UNC5C: variants seen among roughly 807,000 people sequenced by gnomAD.
UNC5C encodes the protein unc-5 netrin receptor C.
Under a neutral mutation model 99.8 loss-of-function variants are expected in UNC5C, and 47 were observed. That is an observed-to-expected ratio of 0.47 (90% CI 0.37 to 0.60). The LOEUF (loss-of-function observed/expected upper bound fraction) is 0.60, where lower values mean the gene tolerates loss of function less well. Ranked by LOEUF, UNC5C falls within the 20% of genes least tolerant of loss-of-function variation. The probability of loss-of-function intolerance (pLI) is 0.00; values close to 1 mark genes in which losing one functional copy is unlikely to be tolerated. For missense variants in UNC5C, 1,062 were observed against 1,165.9 expected (o/e 0.91, Z 1.30); for synonymous variants, 487 against 452.2 (o/e 1.08, Z -0.98).
intron 5 of UNC5C, among the ~76,000 whole-genome samples, chr4:95,246,205 A>G (rs570021355): frequency 2.6e-5 from 4 of 152,232 alleles, no homozygotes; most frequent in Admixed American, 1.3e-4. Context: ...CCAGCCACAT[A>G]TGTTCATGTA....
intron 11 of UNC5C, among the ~76,000 whole-genome samples, chr4:95,205,245 A>T (rs1281721106): frequency 6.6e-6 from 1 of 152,182 alleles, no homozygotes; most frequent in Admixed American, 6.5e-5. Flanking sequence ...CCAGAAATGG[A>T]TAGGGTAATA....
At chr4:95,278,495 G>A (rs1317509880) in intron 3 of UNC5C, 133 bp from the exon 4 acceptor site, 1 of 662,150 alleles carries the variant, frequency 1.5e-6, no homozygotes, top group Non-Finnish European at 2.5e-6. Context: ...TTTTTTTTGA[G>A]ACAGGGTCTC....
chr4:95,394,487 A>T (rs1053458312), intron 1 of UNC5C, among the ~76,000 whole-genome samples: 9 of 152,226 alleles, frequency 5.9e-5, no homozygotes, highest in Non-Finnish European at 2.9e-5. Flanking sequence ...AACAAAAAAT[A>T]TAAAGGAGTA....
At chr4:95,328,064 T>TTTA (rs1742965447) in intron 2 of UNC5C, among the ~76,000 whole-genome samples, 1 of 36,646 alleles carries the variant, frequency 2.7e-5, no homozygotes, top group East Asian at 6.1e-3. Context: ...TTTTTTTAAT[T>TTTA]TTTTTTTTTT....
At chr4:95,454,117 A>G (rs867769816) in intron 1 of UNC5C, among the ~76,000 whole-genome samples, 1 of 152,062 alleles carries the variant, frequency 6.6e-6, no homozygotes, top group African/African-American at 2.4e-5. Flanking sequence ...GCACAAAAAA[A>G]CCACTCAATT....
chr4:95,513,276 G>A (rs1042309185), intron 1 of UNC5C, among the ~76,000 whole-genome samples: 33 of 152,184 alleles, frequency 2.2e-4, no homozygotes, highest in African/African-American at 8.0e-4. Flanking sequence ...TTTACATCTT[G>A]CAATGGGAGC....
chr4:95,182,434 G>GC (rs1736649181), intron 14 of UNC5C, among the ~76,000 whole-genome samples: 1 of 152,078 alleles, frequency 6.6e-6, no homozygotes, highest in African/African-American at 2.4e-5. Flanking sequence ...GAGCAGAGAA[G>GC]CCCCTCTCCT....
chr4:95,337,747 A>C (rs567497744), intron 1 of UNC5C, among the ~76,000 whole-genome samples: 1 of 152,134 alleles, frequency 6.6e-6, no homozygotes, highest in South Asian at 2.1e-4. Flanking sequence ...TGATTTTTCA[A>C]GATGTTTGTT....
intron 1 of UNC5C, among the ~76,000 whole-genome samples, chr4:95,353,657 A>G (rs1374964593): frequency 6.6e-6 from 1 of 151,940 alleles, no homozygotes; most frequent in Non-Finnish European, 1.5e-5. Flanking sequence ...ATTGCAAACT[A>G]TGAAAAGAAA....
intron 1 of UNC5C, among the ~76,000 whole-genome samples, chr4:95,421,675 A>G (rs1194955139): frequency 6.6e-6 from 1 of 150,602 alleles, no homozygotes; most frequent in Non-Finnish European, 1.5e-5. Flanking sequence ...TTCTCATCAG[A>G]TTATGAAATA....
chr4:95,482,991 C>T (rs1209553996), intron 1 of UNC5C, among the ~76,000 whole-genome samples: 5 of 115,162 alleles, frequency 4.3e-5, no homozygotes, highest in Non-Finnish European at 5.2e-5. Flanking sequence ...CACATGTACC[C>T]TAAAACTTAA....
intron 1 of UNC5C, among the ~76,000 whole-genome samples, chr4:95,359,576 C>G (rs901122741): frequency 1.3e-5 from 2 of 151,698 alleles, no homozygotes; most frequent in Non-Finnish European, 2.9e-5. Flanking sequence ...CAGCTACCCT[C>G]TGGGACGCAA....
chr4:95,268,218 CG>C (rs1461065632), intron 4 of UNC5C, among the ~76,000 whole-genome samples: 1 of 152,098 alleles, frequency 6.6e-6, no homozygotes, highest in Non-Finnish European at 1.5e-5. Flanking sequence ...GGATTACAGG[CG>C]TGAGCCACCG....
At chr4:95,394,733 T>C (rs1367387136) in intron 1 of UNC5C, among the ~76,000 whole-genome samples, 1 of 151,830 alleles carries the variant, frequency 6.6e-6, no homozygotes, top group African/African-American at 2.4e-5. Context: ...GTTCTTGCAT[T>C]GTTTGCTAGA....
intron 4 of UNC5C, among the ~76,000 whole-genome samples, chr4:95,260,840 A>C (rs960334709): frequency 8.5e-5 from 13 of 152,148 alleles, no homozygotes; most frequent in Non-Finnish European, 1.6e-4. Context: ...AAGGGTAAAA[A>C]AGGAGAAAAA....
chr4:95,309,797 G>A (rs1742211596), intron 2 of UNC5C, among the ~76,000 whole-genome samples: 1 of 152,144 alleles, frequency 6.6e-6, no homozygotes, highest in Non-Finnish European at 1.5e-5. Context: ...CAAAGGATAT[G>A]GGGCAAAGGG....
intron 1 of UNC5C, among the ~76,000 whole-genome samples, chr4:95,448,640 C>G (rs182664908): frequency 6.6e-6 from 1 of 152,056 alleles, no homozygotes; most frequent in Admixed American, 6.5e-5. Flanking sequence ...TGAGAAAGAA[C>G]AGAGCAATAA....
intron 1 of UNC5C, among the ~76,000 whole-genome samples, chr4:95,548,282 C>T (rs1012660858): frequency 5.9e-5 from 9 of 152,088 alleles, no homozygotes; most frequent in African/African-American, 2.2e-4. Context: ...CAGTGAAGAT[C>T]CTGCTACCCC....
intron 1 of UNC5C, among the ~76,000 whole-genome samples, chr4:95,459,895 C>T (rs186284544): frequency 6.6e-6 from 1 of 152,264 alleles, no homozygotes; most frequent in East Asian, 1.9e-4. Flanking sequence ...ATATTTGTCA[C>T]TCACTCATGG....
Sources: allele counts gnomAD v4.1 joint callset (sites outside exome capture counted in the v4.1 genomes callset), GRCh38; gene constraint gnomAD v4.1.1; transcripts MANE v1.5; gene names NCBI Gene and HGNC (gene_info 2026-07-23, HGNC 2026-07-21).